The following ICA1 variants were observed in gnomAD, a reference collection of about 807,000 sequenced individuals.
The protein encoded by ICA1 is islet cell autoantigen 1.
A neutral mutation model predicts 71.0 loss-of-function variants in ICA1; 40 were observed. The observed-to-expected ratio is 0.56, with a 90% CI of 0.44 to 0.73. The LOEUF (loss-of-function observed/expected upper bound fraction) is 0.73. Among genes scored for constraint, ICA1 ranks in the 30% least tolerant of loss-of-function variants. The probability of loss-of-function intolerance (pLI) is 0.00; values close to 1 mark genes in which losing one functional copy is unlikely to be tolerated. For synonymous variants in ICA1, 207 were observed against 209.5 expected (o/e 0.99, Z 0.10); for missense variants, 578 against 576.5 (o/e 1.00, Z -0.03).
At chr7:8,210,857 C>T (rs373356697) in intron 6 of ICA1, among the ~76,000 whole-genome samples, 2 of 152,096 alleles carry the variant, frequency 1.3e-5, no homozygotes, top group Admixed American at 6.6e-5. Flanking sequence ...GGATTACAGA[C>T]GTGCACCACC....
chr7:8,146,135 G>C (rs924600767), intron 8 of ICA1, among the ~76,000 whole-genome samples: 3 of 152,146 alleles, frequency 2.0e-5, no homozygotes, highest in Non-Finnish European at 4.4e-5. Context: ...GGGTGCTTTG[G>C]ATACACCGGT....
Position 8,143,887 on chromosome 7 carries a change from T to C in ICA1, c.890A>G (p.Gln297Arg), listed in dbSNP as rs754543513. The C allele has an allele frequency of 1.1e-5, 17 of 1,609,296 alleles. No individual in the cohort carries two copies. Among genetic ancestry groups the C allele is most frequent in the South Asian group, 2.2e-5 (2 of 90,946 alleles). Residue 297 changes from glutamine to arginine, a missense_variant, in exon 9 of 14, where the codon CAG (glutamine) becomes CGG (arginine). Gln to Arg is a conservative substitution (Grantham distance 43). Coordinates refer to ENST00000402384, the MANE Select transcript of ICA1 (RefSeq NM_001136020.3). Reference protein sequence around the residue: ...NQQESTDAAVQEPSQLISLEE... With the variant: ...NQQESTDAAVREPSQLISLEE... ...ACCTGTGACTTACTGGCTCGGCTCCTGCACGGCTGCATCTGTACTTTCCTG... is the reference window on the plus strand; with the variant it reads ...ACCTGTGACTTACTGGCTCGGCTCCCGCACGGCTGCATCTGTACTTTCCTG...
rs781514918 is a variant in ICA1 at position 8,228,605 on chromosome 7, T to C, written c.252A>G (p.Ile84Met). Residue 84 changes from isoleucine to methionine, a missense_variant, in exon 4 of 14, where the codon ATA (isoleucine) becomes ATG (methionine). Ile to Met is a conservative substitution (Grantham distance 10, BLOSUM62 1). Transcript: ENST00000402384. Reference protein sequence around the residue: ...SKAIVLYQKRICFLSQEENEL... With the variant: ...SKAIVLYQKRMCFLSQEENEL... ...TCATACTGATGTCATACTTACAACA[T>C]ATCCTCTTTTGATAGAGTACAATTG... The C allele has an allele frequency of 1.3e-6, 2 of 1,580,600 alleles. No homozygotes were observed. The highest frequency in any genetic ancestry group is 2.3e-5 in the South Asian group (2 of 86,904).
rs141115643 is a variant in ICA1 at position 8,230,378 on chromosome 7, G to A, written c.184-1705C>T. ...CTTGGTTTATAAGTTAGCCTTCTAT[G>A]GATAACTCAAGGTACGAACATCAAA... On this transcript the variant is annotated intron_variant, in intron 3 of 13. Coordinates refer to ENST00000402384, the MANE Select transcript of ICA1 (RefSeq NM_001136020.3). Among the ~76,000 whole-genome samples the A allele has an allele frequency of 1.5e-3, 226 of 152,252 alleles. 1 individual carries two copies. The highest frequency in any genetic ancestry group is 5.3e-3 in the African/African-American group (220 of 41,566).
At chr7:8,231,710 A>G (rs1800336797) in intron 3 of ICA1, among the ~76,000 whole-genome samples, 2 of 152,094 alleles carry the variant, frequency 1.3e-5, no homozygotes, top group Admixed American at 1.3e-4. Flanking sequence ...TAACATTACA[A>G]AGTTCTTCCT....
In ICA1 at chr7:8,158,544, T is replaced by C. The variant is rs1032440988; in HGVS notation, c.688A>G (p.Met230Val). The part of the protein sequence containing the change: ...GASRCNLLSH[M>V]LATYQTTLLH... The stretch of plus-strand genomic sequence containing the variant: ...TTTGTTACCTGGTATGTTGCTAGCA[T>C]GTGAGACAAGAGATTGCATCTGCTC... The change falls in exon 7 of 14, where the codon ATG becomes GTG. Residue 230 changes from methionine (M) to valine (V), a missense_variant. Transcript: ENST00000402384. 1.9e-6 allele frequency: 3 copies of C among 1,614,038 alleles called. No homozygotes were observed. The highest frequency in any genetic ancestry group is 2.7e-5 in the African/African-American group (2 of 74,950).
intron 8 of ICA1, among the ~76,000 whole-genome samples, chr7:8,154,619 G>A (rs1291987164): frequency 6.6e-6 from 1 of 152,094 alleles, no homozygotes; most frequent in Non-Finnish European, 1.5e-5. Flanking sequence ...TAAATTAATC[G>A]TGGAAATATT....
chr7:8,238,986 GC>G (rs1802789664), intron 1 of ICA1, among the ~76,000 whole-genome samples: 1 of 152,204 alleles, frequency 6.6e-6, no homozygotes, highest in African/African-American at 2.4e-5. Context: ...GAGAACCACA[GC>G]TAAATGGCAC....
intron 6 of ICA1, among the ~76,000 whole-genome samples, chr7:8,162,621 C>T (rs113418579): frequency 0.011 from 1,618 of 152,254 alleles, 35 homozygotes; most frequent in African/African-American, 0.036. Flanking sequence ...AAGTTATATT[C>T]TATTACATAA....
At chr7:8,146,760 TG>T (rs1797095443) in intron 8 of ICA1, among the ~76,000 whole-genome samples, 1 of 148,328 alleles carries the variant, frequency 6.7e-6, no homozygotes, top group African/African-American at 2.4e-5. Context: ...TGTGTGTGTG[TG>T]TGTTTAGTAT....
chr7:8,218,427 A>G lies in ICA1; in HGVS notation c.457T>C (p.Trp153Arg). Residue 153 changes from tryptophan to arginine, a missense_variant, in exon 6 of 14, where the codon TGG (tryptophan) becomes CGG (arginine). By Grantham distance (101) the Trp-to-Arg change is moderately radical. Coordinates refer to ENST00000402384, the MANE Select transcript of ICA1 (RefSeq NM_001136020.3). ...TGTTCCATGCGGTTCACCGTCAGCCAAGTATCTGAGATGGCCCGATGCCGA... is the reference window on the plus strand; with the variant it reads ...TGTTCCATGCGGTTCACCGTCAGCCGAGTATCTGAGATGGCCCGATGCCGA... ...TFRHRAISDT[W>R]LTVNRMEQCR... 5 of 1,614,088 alleles carry G rather than the reference A, an allele frequency of 3.1e-6. No homozygotes were observed. The highest frequency in any genetic ancestry group is 4.2e-6 in the Non-Finnish European group (5 of 1,179,980).
intron 6 of ICA1, among the ~76,000 whole-genome samples, chr7:8,168,376 C>G (rs909735399): frequency 6.6e-6 from 1 of 151,994 alleles, no homozygotes; most frequent in African/African-American, 2.4e-5. Context: ...TTGGGAAATC[C>G]CTATTTTACA....
At chr7:8,150,705 T>C (rs1051660317) in intron 8 of ICA1, among the ~76,000 whole-genome samples, 2 of 152,242 alleles carry the variant, frequency 1.3e-5, no homozygotes, top group Non-Finnish European at 2.9e-5. Context: ...GAGCCATACA[T>C]TCCCAGGTAT....
intron 1 of ICA1, among the ~76,000 whole-genome samples, chr7:8,242,958 C>T (rs370757715): frequency 1.9e-3 from 292 of 152,182 alleles, no homozygotes; most frequent in African/African-American, 2.7e-3. Flanking sequence ...CAGGACCAGA[C>T]GGATTCACAG....
intron 1 of ICA1, among the ~76,000 whole-genome samples, chr7:8,246,471 G>C (rs900790427): frequency 6.6e-6 from 1 of 152,174 alleles, no homozygotes; most frequent in South Asian, 2.1e-4. Flanking sequence ...CTGCTCAGAG[G>C]TGGAACTGCT....
At position 8,140,295 on chromosome 7, in the gene ICA1, C is replaced by T. The variant is rs929705195; in HGVS notation, c.956-1248G>A. On this transcript the variant is annotated intron_variant, in intron 10 of 13. Transcript: ENST00000402384. Reference sequence around the variant, plus strand: ...TGGCCAACAAGAGCAGGCCCAGCTGCTCCCTTTCTCCTCCTGCCACTCGCT... The same window carrying T: ...TGGCCAACAAGAGCAGGCCCAGCTGTTCCCTTTCTCCTCCTGCCACTCGCT... 9.2e-5 allele frequency among the ~76,000 whole-genome samples: 14 copies of T among 152,314 alleles called. No homozygotes were observed. In the South Asian group the frequency reaches 1.2e-3, roughly 14 times the overall value.
chr7:8,124,428 T>C (rs934687802), intron 13 of ICA1, among the ~76,000 whole-genome samples: 2 of 148,798 alleles, frequency 1.3e-5, no homozygotes, highest in Non-Finnish European at 3.0e-5. Context: ...CGTGTATAGG[T>C]AGATTTTCTA....
intron 6 of ICA1, among the ~76,000 whole-genome samples, chr7:8,177,582 T>A (rs1027095782): frequency 6.6e-6 from 1 of 152,228 alleles, no homozygotes; most frequent in Non-Finnish European, 1.5e-5. Flanking sequence ...TTATTAATCT[T>A]TCTTTTGATC....
chr7:8,146,745 G>A (rs1232651879), intron 8 of ICA1, among the ~76,000 whole-genome samples: 1 of 544 alleles, frequency 1.8e-3, no homozygotes, highest in Middle Eastern at 0.5. Context: ...GCGTGTGCGT[G>A]TGTGTGTGTG....
Sources: gnomAD v4.1 joint callset for allele counts (sites outside exome capture counted in the v4.1 genomes callset) on GRCh38, gnomAD v4.1.1 for gene constraint, MANE v1.5 for transcripts, NCBI Gene and HGNC (gene_info 2026-07-23, HGNC 2026-07-21) for gene names.